The following SNTG1 variants were observed in gnomAD, a reference collection of about 807,000 sequenced individuals.
The protein encoded by SNTG1 is syntrophin gamma 1, also known as gamma-1-syntrophin.
Under a neutral mutation model 74.7 loss-of-function variants are expected in SNTG1, and 39 were observed. The observed-to-expected ratio is 0.52, with a 90% CI of 0.40 to 0.68. SNTG1 has a LOEUF of 0.68. Among genes scored for constraint, SNTG1 ranks in the 30% least tolerant of loss-of-function variants. The pLI is 0.00. For synonymous variants in SNTG1, 254 were observed against 217.1 expected (o/e 1.17, Z -1.49); for missense variants, 685 against 609.5 (o/e 1.12, Z -1.30).
intron 1 of SNTG1, among the ~76,000 whole-genome samples, chr8:50,155,235 T>C (rs2082216329): frequency 6.6e-6 from 1 of 152,152 alleles, no homozygotes; most frequent in African/African-American, 2.4e-5. Context: ...AGAGAGATCA[T>C]AAGAAAAGGA....
chr8:50,369,702 C>T (rs2092221358), intron 2 of SNTG1, among the ~76,000 whole-genome samples: 1 of 151,784 alleles, frequency 6.6e-6, no homozygotes, highest in Non-Finnish European at 1.5e-5. Flanking sequence ...GGAAGAGAGA[C>T]CACACCAGAA....
chr8:49,951,550 T>C (rs1057018438), intron 1 of SNTG1, among the ~76,000 whole-genome samples: 4 of 151,454 alleles, frequency 2.6e-5, no homozygotes, highest in South Asian at 2.1e-4. Flanking sequence ...TAGGTGGGAA[T>C]TGAACAATGA....
intron 15 of SNTG1, among the ~76,000 whole-genome samples, chr8:50,683,635 C>A (rs1368228292): frequency 6.6e-6 from 1 of 152,160 alleles, no homozygotes; most frequent in Non-Finnish European, 1.5e-5. Context: ...AATAGGAGAG[C>A]AATTTCAAGT....
intron 2 of SNTG1, among the ~76,000 whole-genome samples, chr8:50,310,373 A>G (rs1587067181): frequency 1.3e-5 from 2 of 152,226 alleles, no homozygotes; most frequent in East Asian, 3.9e-4. Flanking sequence ...CAAGAAGCTT[A>G]AACAGTCGCA....
intron 12 of SNTG1, among the ~76,000 whole-genome samples, chr8:50,555,895 A>T (rs890238222): frequency 6.6e-6 from 1 of 152,170 alleles, no homozygotes; most frequent in African/African-American, 2.4e-5. Flanking sequence ...CAGGGGAAGG[A>T]TAAAAGCAAA....
intron 1 of SNTG1, among the ~76,000 whole-genome samples, chr8:50,158,464 T>A (rs2082318472): frequency 6.6e-6 from 1 of 152,142 alleles, no homozygotes; most frequent in Non-Finnish European, 1.5e-5. Flanking sequence ...ATGCCTATGA[T>A]CATGGAGCAC....
chr8:50,705,532 T>A lies in SNTG1; in HGVS notation c.1191+780T>A, dbSNP rs117731025. Reference sequence around the variant, plus strand: ...TTATACTGTGTTTTCTACTTATTTATAGCAGCATCTATAAGATTCTTCTAT... The same window carrying A: ...TTATACTGTGTTTTCTACTTATTTAAAGCAGCATCTATAAGATTCTTCTAT... On this transcript the variant is annotated intron_variant, in intron 16 of 18. Transcript: ENST00000642720. Among the ~76,000 whole-genome samples the A allele has an allele frequency of 2.0e-3, 303 of 152,340 alleles. 1 individual carries two copies. The highest frequency in any genetic ancestry group is 3.6e-3 in the Non-Finnish European group (248 of 68,026).
chr8:50,089,830 A>G (rs1212466275), intron 1 of SNTG1, among the ~76,000 whole-genome samples: 1 of 152,168 alleles, frequency 6.6e-6, no homozygotes. Context: ...TAGTTCAACC[A>G]TTGTGGAAGT....
At chr8:50,088,905 C>A (rs888457841) in intron 1 of SNTG1, among the ~76,000 whole-genome samples, 4 of 149,972 alleles carry the variant, frequency 2.7e-5, no homozygotes, top group African/African-American at 9.7e-5. Context: ...GAAAAAACTA[C>A]TTTAAAGTTC....
chr8:49,938,956 T>G (rs1388632290), intron 1 of SNTG1, among the ~76,000 whole-genome samples: 1 of 152,052 alleles, frequency 6.6e-6, no homozygotes, highest in Non-Finnish European at 1.5e-5. Flanking sequence ...CTATCACGTT[T>G]TACCAGTCTG....
chr8:50,215,743 A>G (rs1480082787), intron 2 of SNTG1, among the ~76,000 whole-genome samples: 3 of 152,052 alleles, frequency 2.0e-5, no homozygotes, highest in Non-Finnish European at 2.9e-5. Context: ...TGAGACTAAA[A>G]TCCAATCACT....
rs181520029 is a variant in SNTG1, at chr8:49,926,527, A to C, written c.-103+14296A>C. 2.4e-3 allele frequency among the ~76,000 whole-genome samples: 362 copies of C among 152,276 alleles called. 1 individual carries two copies. Among genetic ancestry groups the C allele is most frequent in the Non-Finnish European group, 4.4e-3 (300 of 67,996 alleles). On this transcript the variant is annotated intron_variant, in intron 1 of 18. Transcript: ENST00000642720. ...TCAACAAATAAATATGAAACAACTG[A>C]ACATTCACATGCAAAGAAAATGAGT... is the stretch of plus-strand genomic sequence containing the variant.
chr8:50,504,197 AGTATTCCATG>A (rs962941468), intron 9 of SNTG1, among the ~76,000 whole-genome samples: 1 of 152,166 alleles, frequency 6.6e-6, no homozygotes, highest in African/African-American at 2.4e-5. Flanking sequence ...ATGGTGACAT[AGTATTCCATG>A]GTGTATATGT....
chr8:50,716,890 G>C (rs1373043050), intron 17 of SNTG1, among the ~76,000 whole-genome samples: 6 of 151,472 alleles, frequency 4.0e-5, no homozygotes, highest in Non-Finnish European at 7.4e-5. Context: ...CCGCCACCAT[G>C]CCCGGCTAAT....
chr8:50,721,764 A>G (rs1563780645), intron 17 of SNTG1, among the ~76,000 whole-genome samples: 2 of 152,278 alleles, frequency 1.3e-5, no homozygotes, highest in East Asian at 1.9e-4. Flanking sequence ...TTTATTGTAT[A>G]CTGGGAAATT....
intron 13 of SNTG1, among the ~76,000 whole-genome samples, chr8:50,613,535 T>G (rs779432949): frequency 2.6e-5 from 4 of 152,186 alleles, no homozygotes; most frequent in Non-Finnish European, 5.9e-5. Flanking sequence ...TCTTTCATAT[T>G]CTAATGAATT....
chr8:50,547,512 G>A (rs1480478329), intron 11 of SNTG1, among the ~76,000 whole-genome samples: 1 of 151,988 alleles, frequency 6.6e-6, no homozygotes, highest in Non-Finnish European at 1.5e-5. Flanking sequence ...TCAATCTAGG[G>A]CAAATTATCT....
chr8:50,365,723 T>C (rs572434034), intron 2 of SNTG1, among the ~76,000 whole-genome samples: 73 of 152,294 alleles, frequency 4.8e-4, no homozygotes, highest in African/African-American at 1.6e-3. Context: ...AGACTGATTA[T>C]TTTATGGTAT....
At chr8:50,465,193 T>A (rs1490154016) in intron 8 of SNTG1, among the ~76,000 whole-genome samples, 1 of 152,152 alleles carries the variant, frequency 6.6e-6, no homozygotes, top group Non-Finnish European at 1.5e-5. Context: ...CCCTTGCTCA[T>A]CTCATTCTAA....
Sources: allele counts gnomAD v4.1 joint callset (sites outside exome capture counted in the v4.1 genomes callset), GRCh38; gene constraint gnomAD v4.1.1; transcripts MANE v1.5; gene names NCBI Gene and HGNC (gene_info 2026-07-23, HGNC 2026-07-21).